Variants in ARID1B observed in about 807,000 individuals in gnomAD.
ARID1B encodes AT-rich interaction domain 1B.
In ARID1B, 30 loss-of-function variants were observed where a neutral mutation model predicts 212.3. The ratio of observed to expected loss-of-function variants is 0.14; its 90% CI spans 0.11 to 0.19. The LOEUF (loss-of-function observed/expected upper bound fraction) is 0.19. ARID1B is among the 10% of genes least tolerant of loss of function. The pLI, the probability that ARID1B is intolerant of heterozygous loss-of-function variation, is 1.00. For missense variants in ARID1B, 2,891 were observed against 3,204.0 expected, an observed-to-expected ratio of 0.90 and a Z score of 2.36; for synonymous variants, 1,402 against 1,301.7, an observed-to-expected ratio of 1.08 and a Z score of -1.66.
intron 3 of ARID1B, among the ~76,000 whole-genome samples, chr6:156,931,242 TCCC>T (rs1358602709): frequency 6.6e-6 from 1 of 151,984 alleles, no homozygotes; most frequent in Admixed American, 6.6e-5. Context: ...GGGAATGTTT[TCCC>T]TTTTTAATTT....
chr6:156,967,501 A>G (rs1166643029), intron 4 of ARID1B, among the ~76,000 whole-genome samples: 1 of 152,178 alleles, frequency 6.6e-6, no homozygotes, highest in African/African-American at 2.4e-5. Context: ...AATGCTCTGT[A>G]AATGATGAGT....
At chr6:157,014,875 T>C (rs1456768442) in intron 4 of ARID1B, among the ~76,000 whole-genome samples, 2 of 125,270 alleles carry the variant, frequency 1.6e-5, no homozygotes, top group Non-Finnish European at 3.4e-5. Context: ...CTCTGTATTA[T>C]GCCAGGAATA....
At chr6:156,934,838 T>C (rs1280493863) in intron 3 of ARID1B, among the ~76,000 whole-genome samples, 1 of 148,076 alleles carries the variant, frequency 6.8e-6, no homozygotes, top group Non-Finnish European at 1.5e-5. Flanking sequence ...CTCCCTGTTT[T>C]TATGAACTAG....
intron 1 of ARID1B, among the ~76,000 whole-genome samples, chr6:156,815,378 T>C (rs1313592630): frequency 2.6e-5 from 4 of 152,164 alleles, no homozygotes; most frequent in Non-Finnish European, 5.9e-5. Flanking sequence ...AGCAGAAGGG[T>C]ATTGATATTG....
intron 3 of ARID1B, among the ~76,000 whole-genome samples, chr6:156,930,962 G>A (rs552030664): frequency 2.0e-5 from 3 of 152,116 alleles, no homozygotes; most frequent in South Asian, 2.1e-4. Flanking sequence ...AGGCCAAGGC[G>A]GGCAGTTCAC....
chr6:157,004,897 CTTTTTTTTTTTTTTTT>C (rs1177807875), intron 4 of ARID1B, among the ~76,000 whole-genome samples: 1 of 54,740 alleles, frequency 1.8e-5, no homozygotes, highest in Admixed American at 2.3e-4. Context: ...CTTCTTTTTT[CTTTTTTTTTTTTTTTT>C]TTTTTTTTTT....
intron 2 of ARID1B, among the ~76,000 whole-genome samples, chr6:156,849,023 CTAAT>C (rs1784411542): frequency 6.6e-6 from 1 of 152,204 alleles, no homozygotes; most frequent in Non-Finnish European, 1.5e-5. Context: ...TATACTTTCA[CTAAT>C]TAACTGAGCA....
At chr6:157,130,298 A>T (rs892553716) in intron 6 of ARID1B, among the ~76,000 whole-genome samples, 2 of 152,250 alleles carry the variant, frequency 1.3e-5, no homozygotes, top group African/African-American at 4.8e-5. Flanking sequence ...AGGAAGAAAA[A>T]GCAATCGTTC....
intron 5 of ARID1B, among the ~76,000 whole-genome samples, chr6:157,091,136 G>A (rs939766635): frequency 6.6e-6 from 1 of 152,166 alleles, no homozygotes; most frequent in African/African-American, 2.4e-5. Context: ...ACGCCACAAA[G>A]CACCAATTCC....
intron 2 of ARID1B, among the ~76,000 whole-genome samples, chr6:156,874,956 G>A (rs962928555): frequency 3.9e-5 from 6 of 152,130 alleles, no homozygotes; most frequent in African/African-American, 7.2e-5. Flanking sequence ...GGATTTTATC[G>A]CTGTGGCACA....
chr6:157,197,732 G>T (rs1213688658), intron 16 of ARID1B, among the ~76,000 whole-genome samples: 1 of 152,162 alleles, frequency 6.6e-6, no homozygotes, highest in Non-Finnish European at 1.5e-5. Context: ...GGGGGGGGTA[G>T]CTGGCAAGAT....
At chr6:157,084,945 A>C (rs759820289) in intron 5 of ARID1B, 40 bp downstream of exon 5, 1 of 1,563,036 alleles carries the variant, frequency 6.4e-7, no homozygotes, top group South Asian at 1.2e-5. Flanking sequence ...ACTTTGTGAT[A>C]AAGAGAGATT....
At chr6:156,919,923 G>A (rs540049470) in intron 3 of ARID1B, among the ~76,000 whole-genome samples, 2 of 152,316 alleles carry the variant, frequency 1.3e-5, no homozygotes, top group Admixed American at 1.3e-4. Context: ...GAGCAATTAA[G>A]CTTCACCTCC....
chr6:156,856,411 C>G (rs957697134), intron 2 of ARID1B, among the ~76,000 whole-genome samples: 1 of 152,146 alleles, frequency 6.6e-6, no homozygotes, highest in Non-Finnish European at 1.5e-5. Context: ...TCATCAACTT[C>G]TTAGGAATTC....
intron 4 of ARID1B, among the ~76,000 whole-genome samples, chr6:157,044,827 A>G (rs1017025805): frequency 1.3e-5 from 2 of 148,968 alleles, no homozygotes; most frequent in African/African-American, 2.5e-5. Flanking sequence ...CAACAATTAC[A>G]TGTTGCTGGT....
intron 1 of ARID1B, among the ~76,000 whole-genome samples, chr6:156,780,074 C>G (rs947300242): frequency 2.0e-5 from 3 of 152,088 alleles, no homozygotes; most frequent in Admixed American, 2.0e-4. Context: ...GCTTCGAGCT[C>G]GAACGTTTGC....
At chr6:156,889,456 T>C (rs1787760363) in intron 2 of ARID1B, among the ~76,000 whole-genome samples, 1 of 152,254 alleles carries the variant, frequency 6.6e-6, no homozygotes. Context: ...AAGACTTTAG[T>C]TCAACACTGG....
intron 4 of ARID1B, among the ~76,000 whole-genome samples, chr6:157,043,803 T>C (rs748008717): frequency 6.6e-6 from 1 of 152,232 alleles, no homozygotes; most frequent in Non-Finnish European, 1.5e-5. Context: ...TGTTAATGTT[T>C]GTTGAAGCTA....
intron 4 of ARID1B, among the ~76,000 whole-genome samples, chr6:157,002,276 A>C (rs1404486595): frequency 6.6e-6 from 1 of 152,192 alleles, no homozygotes; most frequent in Non-Finnish European, 1.5e-5. Context: ...CATTTTGCAC[A>C]TCTCTATACC....
Sources: gnomAD v4.1 joint callset for allele counts (sites outside exome capture counted in the v4.1 genomes callset) on GRCh38, gnomAD v4.1.1 for gene constraint, MANE v1.5 for transcripts, NCBI Gene and HGNC (gene_info 2026-07-23, HGNC 2026-07-21) for gene names.